Variants in LTBP2 observed in about 807,000 individuals in gnomAD.
LTBP2 encodes latent transforming growth factor beta binding protein 2.
LTBP2 carries 103 observed loss-of-function variants against 210.6 expected under a neutral mutation model. That is an observed-to-expected ratio of 0.49 (90% CI 0.42 to 0.58). The LOEUF is 0.58. LTBP2 is among the 20% of genes least tolerant of loss of function. LTBP2 has a pLI of 0.00. For synonymous variants in LTBP2, 1,007 were observed against 1,015.0 expected (o/e 0.99, Z 0.15); for missense variants, 2,313 against 2,494.5 (o/e 0.93, Z 1.55).
chr14:74,498,414 C>T lies in LTBP2; in HGVS notation c.*2470G>A, dbSNP rs1282203836. 1 of 202,228 alleles carries T rather than the reference C, an allele frequency of 4.9e-6. No homozygotes were observed. Among genetic ancestry groups the T allele is most frequent in the Non-Finnish European group, 1.0e-5 (1 of 98,456 alleles). 12.5% of individuals were successfully genotyped at this position (202,228 alleles called of 1,614,324 possible). A position where few individuals can be genotyped will look rare whatever the true frequency, so the allele number is the denominator to read the frequency against. On this transcript the variant is annotated 3_prime_UTR_variant, in exon 36 of 36. Transcript: ENST00000261978. ...TTACAGCATTATTTATAGCAAAAGA[C>T]AGGAAACAATGGAAACGTCTGTCAG...
Position 74,501,492 on chromosome 14 carries a change from A to G in LTBP2, c.5269T>C (p.Cys1757Arg), listed in dbSNP as rs886050755. 1.8e-5 allele frequency: 29 copies of G among 1,614,008 alleles called. No homozygotes were observed. The highest frequency in any genetic ancestry group is 2.5e-5 in the Non-Finnish European group (29 of 1,180,010). The change falls in exon 35 of 36, where the codon TGT becomes CGT. Residue 1757 changes from cysteine (C) to arginine (R), a missense_variant. This residue lies in a region of LTBP2 where 443 missense variants were observed against 501.4 expected (regional missense o/e 0.88). Transcript: ENST00000261978. The stretch of plus-strand genomic sequence containing the variant: ...AGCTGGAAGCCCTCAAAACAGTCAC[A>G]GGTGTAGCCCTCCCGCACGCGCACA... ...RCVRVREGYT[C>R]DCFEGFQLDA...
At chr14:74,557,902 T>C (rs997487338) in intron 3 of LTBP2, among the ~76,000 whole-genome samples, 2 of 152,182 alleles carry the variant, frequency 1.3e-5, no homozygotes, top group Non-Finnish European at 2.9e-5. Flanking sequence ...CAGACCCCAG[T>C]GGGAGCTCAG....
intron 8 of LTBP2, among the ~76,000 whole-genome samples, chr14:74,540,234 A>G (rs2087475393): frequency 6.6e-6 from 1 of 152,152 alleles, no homozygotes; most frequent in Non-Finnish European, 1.5e-5. Context: ...GCACTTTTGG[A>G]GGCTGAGGCG....
chr14:74,578,313 C>T (rs565492412), intron 3 of LTBP2, among the ~76,000 whole-genome samples: 1 of 152,214 alleles, frequency 6.6e-6, no homozygotes, highest in Non-Finnish European at 1.5e-5. Flanking sequence ...GTGGCAGACA[C>T]CCCGCGAATC....
In LTBP2 at chr14:74,508,590, T is replaced by C. The variant is rs769441955; in HGVS notation, c.3652+14A>G. The stretch of plus-strand genomic sequence containing the variant: ...TGCTCCTGGCCAGTAGAGGTAGCTG[T>C]GCTGGCTTCTCACCCTGGCAGCTGG... On this transcript the variant is annotated intron_variant, in intron 24 of 35. Coordinates refer to ENST00000261978, the MANE Select transcript of LTBP2 (RefSeq NM_000428.3). The C allele has an allele frequency of 1.9e-6, 3 of 1,601,886 alleles. No homozygotes were observed. The highest frequency in any genetic ancestry group is 2.5e-6 in the Non-Finnish European group (3 of 1,179,106).
chr14:74,551,540 C>A (rs993101167), intron 6 of LTBP2, among the ~76,000 whole-genome samples, 190 bp from the exon 7 acceptor site: 4 of 152,226 alleles, frequency 2.6e-5, no homozygotes, highest in African/African-American at 9.6e-5. Flanking sequence ...GGATGAAGTG[C>A]AAACTCTGTC....
Position 74,517,356 on chromosome 14 carries a change from CTTTA to C in LTBP2, c.2789-419_2789-416del, listed in dbSNP as rs1182292567. Reference sequence around the variant, plus strand: ...CCTGGAGTCCTTCCTTCCTTTCTTCCTTTATTTATTTATTGAGACGGAGTTTCGC... The same window carrying C: ...CCTGGAGTCCTTCCTTCCTTTCTTCCTTTATTTATTGAGACGGAGTTTCGC... On this transcript the variant is annotated intron_variant, in intron 17 of 35. Transcript: ENST00000261978. Among the ~76,000 whole-genome samples, 3 of 150,860 alleles carry C rather than the reference CTTTA, an allele frequency of 2.0e-5. No individual in the cohort carries two copies. The East Asian group carries it at 5.9e-4, about 30-fold the overall frequency.
At chr14:74,527,672 C>T (rs1022601938) in intron 12 of LTBP2, among the ~76,000 whole-genome samples, 4 of 152,332 alleles carry the variant, frequency 2.6e-5, no homozygotes, top group South Asian at 2.1e-4. Flanking sequence ...CACCTGCTCC[C>T]GGACCTGTCC....
chr14:74,502,252 G>A (rs2086918638), intron 34 of LTBP2, among the ~76,000 whole-genome samples: 1 of 152,122 alleles, frequency 6.6e-6, no homozygotes, highest in Admixed American at 6.5e-5. Context: ...GGCCTTTAAA[G>A]TCCTTAGAAA....
At chr14:74,551,971 G>A (rs936530866) in intron 6 of LTBP2, among the ~76,000 whole-genome samples, 15 of 152,178 alleles carry the variant, frequency 9.9e-5, no homozygotes, top group African/African-American at 3.1e-4. Context: ...CCCAGCACAG[G>A]GAAAGGGCAA....
chr14:74,523,394 A>G (rs2087233653), intron 15 of LTBP2, among the ~76,000 whole-genome samples: 2 of 152,020 alleles, frequency 1.3e-5, no homozygotes, highest in South Asian at 4.1e-4. Context: ...TGAAAGCCAC[A>G]TTGAGACTGG....
chr14:74,557,579 G>C (rs1317833396), intron 3 of LTBP2, among the ~76,000 whole-genome samples: 1 of 152,162 alleles, frequency 6.6e-6, no homozygotes, highest in East Asian at 1.9e-4. Context: ...AAAATCCTCC[G>C]CTCATGTCCT....
chr14:74,549,782 T>G (rs1025696880), intron 8 of LTBP2, 81 bp downstream of exon 8: 1 of 1,219,854 alleles, frequency 8.2e-7, no homozygotes, highest in Non-Finnish European at 1.2e-6. Context: ...TCTGACATCC[T>G]GGAGGGGAAA....
At position 74,600,358 on chromosome 14, in the gene LTBP2, AG is replaced by A. The variant is rs1313164538; in HGVS notation, c.565+3276del. ...GTCAGGGTGGGTGACCGGGGGCAGC[AG>A]GGTGAGACGGCCAGGGAGAGAAATA... is the stretch of plus-strand genomic sequence containing the variant. On this transcript the variant is annotated intron_variant, in intron 2 of 35. Transcript: ENST00000261978. 2.6e-5 allele frequency among the ~76,000 whole-genome samples: 4 copies of A among 152,294 alleles called. No homozygotes were observed. In the East Asian group the frequency reaches 7.7e-4, roughly 29 times the overall value.
At position 74,586,804 on chromosome 14, in the gene LTBP2, C is replaced by T. The variant is rs1472867208; in HGVS notation, c.566-686G>A. On this transcript the variant is annotated intron_variant, in intron 2 of 35. Transcript: ENST00000261978. The surrounding 1 kb of genome is among the most constrained non-coding windows in gnomAD (Gnocchi z 4.6). ...ACCCTCCTTAGCAAGGCAGAACTCTCGACTGCGGCCAGAGAAAGCACGGTG... is the reference window on the plus strand; with the variant it reads ...ACCCTCCTTAGCAAGGCAGAACTCTTGACTGCGGCCAGAGAAAGCACGGTG... Among the ~76,000 whole-genome samples, 3 of 152,294 alleles carry T rather than the reference C, an allele frequency of 2.0e-5. No homozygotes were observed. The highest frequency in any genetic ancestry group is 3.9e-4 in the East Asian group (2 of 5,174).
chr14:74,581,728 T>C (rs1472464283), intron 3 of LTBP2, among the ~76,000 whole-genome samples: 3 of 152,224 alleles, frequency 2.0e-5, no homozygotes, highest in Non-Finnish European at 2.9e-5. Flanking sequence ...CCGTTTCAGA[T>C]GTGTGACCTA....
At position 74,500,179 on chromosome 14, in the gene LTBP2, G is replaced by C; in HGVS notation, c.*705C>G. On this transcript the variant is annotated 3_prime_UTR_variant, in exon 36 of 36. Coordinates refer to ENST00000261978, the MANE Select transcript of LTBP2 (RefSeq NM_000428.3). ...GGCTCCCCTTTCTCATCAACTCCAC[G>C]TATTTTTCATCATGTCCTCTTGCTG... 1 of 234,448 alleles carries C rather than the reference G, an allele frequency of 4.3e-6. No individual in the cohort carries two copies. The highest frequency in any genetic ancestry group is 8.4e-6 in the Non-Finnish European group (1 of 118,942). The allele number at this position is 234,448 out of a possible 1,614,324, so 14.5% of individuals were successfully genotyped here. A position where few individuals can be genotyped will look rare whatever the true frequency, so the allele number is the denominator to read the frequency against.
Position 74,522,948 on chromosome 14 carries a change from T to C in LTBP2, c.2531-30A>G, listed in dbSNP as rs372735038. 316 of 1,605,288 alleles carry C rather than the reference T, an allele frequency of 2.0e-4. No individual in the cohort carries two copies. The African/African-American group carries it at 3.7e-3, about 19-fold the overall frequency. ...GGGAGACAGAGCAAAACAGAGGTTA[T>C]GGCAGGGTGGGTGCTGGACAAAGGC... On this transcript the variant is annotated intron_variant, in intron 15 of 35. Coordinates refer to ENST00000261978, the MANE Select transcript of LTBP2 (RefSeq NM_000428.3).
intron 15 of LTBP2, 136 bp downstream of exon 15, chr14:74,524,988 G>A: frequency 2.2e-6 from 1 of 457,214 alleles, no homozygotes; most frequent in Non-Finnish European, 3.9e-6. Context: ...AGCCCAGCTG[G>A]GAGCCTGCTG....
Sources: allele counts gnomAD v4.1 joint callset (sites outside exome capture counted in the v4.1 genomes callset), GRCh38; gene constraint gnomAD v4.1.1; regional missense constraint gnomAD v4.1.1; non-coding constraint Gnocchi (gnomAD v3.1); transcripts MANE v1.5; gene names NCBI Gene and HGNC (gene_info 2026-07-23, HGNC 2026-07-21).